The following HIPK2 variants were observed in gnomAD, a reference collection of about 807,000 sequenced individuals.
HIPK2 encodes homeodomain interacting protein kinase 2.
A neutral mutation model predicts 113.7 loss-of-function variants in HIPK2; 27 were observed. That is an observed-to-expected ratio of 0.24 (90% CI 0.17 to 0.33). HIPK2 has a LOEUF of 0.33. Ranked by LOEUF, HIPK2 falls within the 10% of genes least tolerant of loss-of-function variation. The pLI, the probability that HIPK2 is intolerant of heterozygous loss-of-function variation, is 1.00. For synonymous variants in HIPK2, 631 were observed against 642.2 expected (o/e 0.98, Z 0.26); for missense variants, 1,257 against 1,588.0 (o/e 0.79, Z 3.54).
At chr7:139,667,816 G>T (rs1802100016) in intron 2 of HIPK2, among the ~76,000 whole-genome samples, 1 of 152,012 alleles carries the variant, frequency 6.6e-6, no homozygotes, top group South Asian at 2.1e-4. Flanking sequence ...TATCTTTTAG[G>T]TAAGAACAAA....
chr7:139,708,580 G>C (rs1183900336), intron 2 of HIPK2, among the ~76,000 whole-genome samples: 1 of 152,210 alleles, frequency 6.6e-6, no homozygotes, highest in Non-Finnish European at 1.5e-5. Context: ...TCAGGTTAGA[G>C]ACATGTATTT....
intron 2 of HIPK2, among the ~76,000 whole-genome samples, chr7:139,712,986 G>A (rs972248726): frequency 1.3e-5 from 2 of 152,180 alleles, no homozygotes; most frequent in East Asian, 1.9e-4. Context: ...CTGGGCACAG[G>A]GAGGCTGACA....
At chr7:139,629,783 T>A (rs1450557002) in intron 4 of HIPK2, among the ~76,000 whole-genome samples, 1 of 152,158 alleles carries the variant, frequency 6.6e-6, no homozygotes, top group Non-Finnish European at 1.5e-5. Flanking sequence ...GCGGCTTAAG[T>A]CCTGGGAACA....
At chr7:139,617,476 G>C (rs1049247503) in intron 7 of HIPK2, among the ~76,000 whole-genome samples, 1 of 152,248 alleles carries the variant, frequency 6.6e-6, no homozygotes, top group African/African-American at 2.4e-5. Flanking sequence ...TTTGAGCTTG[G>C]TCTATAAACT....
intron 2 of HIPK2, among the ~76,000 whole-genome samples, chr7:139,661,802 C>T (rs1021250460): frequency 6.6e-6 from 1 of 152,216 alleles, no homozygotes; most frequent in African/African-American, 2.4e-5. Flanking sequence ...AGCCTGCAGG[C>T]TGGACAAGCT....
At chr7:139,574,468 C>T (rs1252101535) in intron 14 of HIPK2, among the ~76,000 whole-genome samples, 1 of 152,216 alleles carries the variant, frequency 6.6e-6, no homozygotes, top group Non-Finnish European at 1.5e-5. Flanking sequence ...ACCTAAGTCA[C>T]GTGACAGAGA....
intron 10 of HIPK2, among the ~76,000 whole-genome samples, chr7:139,602,999 A>G (rs1055135328): frequency 1.8e-4 from 27 of 152,122 alleles, no homozygotes; most frequent in African/African-American, 5.3e-4. Context: ...GAGTGGTGGC[A>G]TGAGGGCGTT....
chr7:139,658,279 C>A (rs2116527032), intron 2 of HIPK2, among the ~76,000 whole-genome samples: 1 of 148,746 alleles, frequency 6.7e-6, no homozygotes, highest in East Asian at 2.0e-4. Flanking sequence ...GCACTCCAGC[C>A]TAGGTGACAA....
intron 1 of HIPK2, among the ~76,000 whole-genome samples, chr7:139,724,678 C>T (rs1177230585): frequency 8.2e-6 from 1 of 122,138 alleles, no homozygotes; most frequent in East Asian, 2.7e-4. Context: ...CTATCCCTAC[C>T]CCCTCCCCCC....
Position 139,572,911 on chromosome 7 carries a change from C to T in HIPK2, c.*16G>A, listed in dbSNP as rs1215822248. ...CCATTCTCTCCCTCCCTCCCTCCCT[C>T]CCTCCCCTCCAGTGTTTATATGTAA... On this transcript the variant is annotated 3_prime_UTR_variant, in exon 15 of 15. Transcript: ENST00000406875. The T allele has an allele frequency of 2.4e-6, 2 of 850,766 alleles. No homozygotes were observed. Among genetic ancestry groups the T allele is most frequent in the East Asian group, 5.6e-5 (2 of 35,592 alleles). 52.7% of individuals were successfully genotyped at this position (850,766 alleles called of 1,614,324 possible).
intron 1 of HIPK2, among the ~76,000 whole-genome samples, chr7:139,746,648 G>C (rs1277572056): frequency 6.6e-6 from 1 of 152,148 alleles, no homozygotes; most frequent in Non-Finnish European, 1.5e-5. Context: ...TCTGCTGGAG[G>C]TTGACAACAG....
chr7:139,701,359 C>T (rs1794702413), intron 2 of HIPK2, among the ~76,000 whole-genome samples: 1 of 152,172 alleles, frequency 6.6e-6, no homozygotes, highest in Non-Finnish European at 1.5e-5. Flanking sequence ...TTTATAGTCT[C>T]GGCTAACTGC....
At chr7:139,643,778 G>A (rs1054779335) in intron 2 of HIPK2, among the ~76,000 whole-genome samples, 3 of 152,232 alleles carry the variant, frequency 2.0e-5, no homozygotes, top group South Asian at 4.1e-4. Context: ...AAGGTTCCTA[G>A]AAGAACCAGT....
At chr7:139,762,805 T>C (rs1193113967) in intron 1 of HIPK2, among the ~76,000 whole-genome samples, 1 of 152,186 alleles carries the variant, frequency 6.6e-6, no homozygotes, top group Non-Finnish European at 1.5e-5. Context: ...CACAGATGGG[T>C]TTCTATCTTC....
intron 2 of HIPK2, among the ~76,000 whole-genome samples, chr7:139,677,260 GAC>G (rs71170909): frequency 2.1e-4 from 32 of 150,082 alleles, no homozygotes; most frequent in African/African-American, 7.1e-4. Context: ...TATATATGGA[GAC>G]ACACACACAC....
chr7:139,730,766 G>A (rs1355192967), intron 1 of HIPK2, among the ~76,000 whole-genome samples: 8 of 152,096 alleles, frequency 5.3e-5, no homozygotes, highest in Admixed American at 6.5e-5. Context: ...GATCTTTTTT[G>A]GAAATGGGGT....
intron 7 of HIPK2, 56 bp downstream of exon 7, chr7:139,620,345 T>G: frequency 6.3e-7 from 1 of 1,595,170 alleles, no homozygotes; most frequent in Non-Finnish European, 8.5e-7. Context: ...AAAATACAAG[T>G]CCTGAGGCTC....
intron 2 of HIPK2, among the ~76,000 whole-genome samples, chr7:139,662,694 A>T (rs1218870967): frequency 6.9e-6 from 1 of 145,972 alleles, no homozygotes; most frequent in East Asian, 2.0e-4. Context: ...ATCTCGGCTC[A>T]CTGCAACCTC....
At chr7:139,704,754 T>G (rs1794839688) in intron 2 of HIPK2, among the ~76,000 whole-genome samples, 1 of 152,072 alleles carries the variant, frequency 6.6e-6, no homozygotes, top group Non-Finnish European at 1.5e-5. Context: ...TACCAGCAGG[T>G]GTCAAAGGCA....
Sources: gnomAD v4.1 joint callset for allele counts (sites outside exome capture counted in the v4.1 genomes callset) on GRCh38, gnomAD v4.1.1 for gene constraint, MANE v1.5 for transcripts, NCBI Gene and HGNC (gene_info 2026-07-23, HGNC 2026-07-21) for gene names.